Variants in CENPS observed in about 807,000 individuals in gnomAD.
CENPS encodes the protein centromere protein S, also known as FANCM associated histone fold protein 1.
A neutral mutation model predicts 17.9 loss-of-function variants in CENPS; 16 were observed. That is an observed-to-expected ratio of 0.90 (90% confidence interval 0.61 to 1.36). The LOEUF (loss-of-function observed/expected upper bound fraction) is 1.36. Among genes scored for constraint, CENPS ranks in the 40% most tolerant of loss-of-function variants. CENPS has a pLI of 0.00. For synonymous variants in CENPS, 49 were observed against 55.8 expected, an observed-to-expected ratio of 0.88 and a Z score of 0.54; for missense variants, 160 against 158.6, an observed-to-expected ratio of 1.01 and a Z score of -0.05.
chr1:10,437,841 C>T lies in CENPS; in HGVS notation c.210-2506C>T, dbSNP rs138825225. ...GCAGCAGCTCAATCTCGGCTCACTG[C>T]AGCTTCTGCCTTGCGGATTCAAGTG... is the stretch of plus-strand genomic sequence containing the variant. On this transcript the variant is annotated intron_variant, in intron 3 of 4. Transcript: ENST00000309048. Among the ~76,000 whole-genome samples the T allele has an allele frequency of 4.2e-3, 627 of 150,496 alleles. 8 individuals are homozygous for T. Among genetic ancestry groups the T allele is most frequent in the African/African-American group, 0.015 (595 of 40,784 alleles).
chr1:10,432,657 G>A (rs759105146), intron 1 of CENPS, among the ~76,000 whole-genome samples: 2 of 152,006 alleles, frequency 1.3e-5, no homozygotes, highest in African/African-American at 4.8e-5. Context: ...GGAGGAGGAA[G>A]ATCTGAGAAA....
intron 4 of CENPS, 88 bp downstream of exon 4, chr1:10,440,501 C>CA: frequency 6.5e-7 from 1 of 1,535,914 alleles, no homozygotes; most frequent in Non-Finnish European, 8.8e-7. Flanking sequence ...AGTTATTCCC[C>CA]AGGGCACCTT....
chr1:10,430,973 T>C, intron 1 of CENPS: 3 of 1,264,868 alleles, frequency 2.4e-6, no homozygotes, highest in Non-Finnish European at 3.0e-6. Flanking sequence ...ACGCTGGCCC[T>C]GGAGGCGTCG....
At chr1:10,432,628 CAG>C (rs954704974) in intron 1 of CENPS, among the ~76,000 whole-genome samples, 11 of 151,792 alleles carry the variant, frequency 7.2e-5, no homozygotes, top group Non-Finnish European at 1.2e-4. Flanking sequence ...CCAGCCCAGC[CAG>C]GGGGAGGGGA....
rs1639853261 is a variant in CENPS, at chr1:10,430,558, C to G, written c.41C>G (p.Ser14Cys). 8 of 1,534,384 alleles carry G rather than the reference C, an allele frequency of 5.2e-6. No individual in the cohort carries two copies. The East Asian group carries it at 1.8e-4, about 35-fold the overall frequency. The change falls in exon 1 of 5, where the codon TCT (serine) becomes TGT (cysteine). Residue 14 changes from serine to cysteine, a missense_variant. Transcript: ENST00000309048. Reference protein sequence around the residue: ...EAETEEQQRFSYQQRLKAAVH... With the variant: ...EAETEEQQRFCYQQRLKAAVH... ...GAGACCGAGGAGCAGCAGCGATTCT[C>G]TTACCAACAGGTACAGGAAAACGGG...
intron 1 of CENPS, chr1:10,430,825 C>T (rs1283493065): frequency 3.7e-6 from 5 of 1,339,188 alleles, no homozygotes; most frequent in South Asian, 1.9e-5. Context: ...GGTCCGGCGG[C>T]GAGAGGCCAC....
rs755865599 is a variant in CENPS at position 10,433,978 on chromosome 1, G to A, written c.175+13G>A. The A allele has an allele frequency of 4.3e-6, 7 of 1,613,808 alleles. No homozygotes were observed. Among genetic ancestry groups the A allele is most frequent in the East Asian group, 4.5e-5 (2 of 44,896 alleles). On this transcript the variant is annotated intron_variant, in intron 2 of 4. Transcript: ENST00000309048. ...TTCCGACAGTGTGGTATGAAGCTTC[G>A]GCCTCCCCAGCCATGTCTGTAAACC...
intron 3 of CENPS, among the ~76,000 whole-genome samples, chr1:10,434,956 C>T (rs577535752): frequency 3.9e-5 from 6 of 152,234 alleles, no homozygotes; most frequent in African/African-American, 1.4e-4. Context: ...GTGTGAATAC[C>T]ATCTCCAGGA....
intron 3 of CENPS, among the ~76,000 whole-genome samples, chr1:10,437,518 G>A (rs902495068): frequency 2.8e-5 from 4 of 140,694 alleles, no homozygotes; most frequent in Admixed American, 7.5e-5. Context: ...TTGCCATGGC[G>A]CGATCTCAAC....
At chr1:10,434,128 T>G (rs1640046183) in intron 2 of CENPS, among the ~76,000 whole-genome samples, 163 bp downstream of exon 2, 1 of 152,228 alleles carries the variant, frequency 6.6e-6, no homozygotes, top group African/African-American at 2.4e-5. Context: ...GGCTGTGAGA[T>G]GTGGATATTT....
Position 10,434,651 on chromosome 1 carries a change from T to C in CENPS, c.176-6T>C. 1 of 1,604,278 alleles carries C rather than the reference T, an allele frequency of 6.2e-7. No homozygotes were observed. The highest frequency in any genetic ancestry group is 2.2e-5 in the East Asian group (1 of 44,620). ...CTAAAGTGTGTATCTTTTTTTTCTC[T>C]TTCAGAAAATTTTGCCAAAGACCTT... On this transcript the variant is annotated splice_polypyrimidine_tract_variant and splice_region_variant and intron_variant, in intron 2 of 4. Transcript: ENST00000309048.
In CENPS at chr1:10,430,507, G is replaced by C. The variant is rs1639850784; in HGVS notation, c.-11G>C. On this transcript the variant is annotated 5_prime_UTR_variant, in exon 1 of 5. Coordinates refer to ENST00000309048, the MANE Select transcript of CENPS (RefSeq NM_199294.3). ...GGCCCTCCTGCGTTTGCCCAGGGTC[G>C]GCCCGCAGTGATGGAGGAGGAGGCG... is the stretch of plus-strand genomic sequence containing the variant. The C allele has an allele frequency of 2.0e-6, 3 of 1,537,846 alleles. No homozygotes were observed. Among genetic ancestry groups the C allele is most frequent in the Non-Finnish European group, 2.6e-6 (3 of 1,142,516 alleles).
In CENPS at chr1:10,430,444, G is replaced by A; in HGVS notation, c.-74G>A. On this transcript the variant is annotated 5_prime_UTR_variant, in exon 1 of 5. Coordinates refer to ENST00000309048, the MANE Select transcript of CENPS (RefSeq NM_199294.3). ...GCGGCCCGTCGCTCGCGCCGCGGCGGGAAAATCCGACCTGGCCGCGCACCA... is the reference window on the plus strand; with the variant it reads ...GCGGCCCGTCGCTCGCGCCGCGGCGAGAAAATCCGACCTGGCCGCGCACCA... 3 of 1,518,984 alleles carry A rather than the reference G, an allele frequency of 2.0e-6. No homozygotes were observed. The highest frequency in any genetic ancestry group is 1.2e-5 in the South Asian group (1 of 81,304). 94.1% of individuals were successfully genotyped at this position (1,518,984 alleles called of 1,614,324 possible).
intron 1 of CENPS, among the ~76,000 whole-genome samples, chr1:10,432,499 G>A (rs890399658): frequency 2.0e-5 from 3 of 152,134 alleles, no homozygotes; most frequent in African/African-American, 7.2e-5. Context: ...GCTTGTAGAC[G>A]ATTTCCCCCC....
chr1:10,431,026 G>T (rs1169370148), intron 1 of CENPS: 3 of 1,334,142 alleles, frequency 2.2e-6, no homozygotes, highest in East Asian at 3.3e-5. Context: ...GACCAGTCAG[G>T]CCCAGAGCTC....
chr1:10,431,442 A>G, intron 1 of CENPS: 1 of 1,532,810 alleles, frequency 6.5e-7, no homozygotes, highest in East Asian at 2.4e-5. Context: ...ATTCACCACT[A>G]GTTAGCATTT....
chr1:10,430,782 G>A (rs1639872098), intron 1 of CENPS: 2 of 1,379,794 alleles, frequency 1.4e-6, no homozygotes, highest in Admixed American at 3.6e-5. Flanking sequence ...TGGCTGGGGA[G>A]GAAGCGGTTC....
intron 3 of CENPS, among the ~76,000 whole-genome samples, chr1:10,436,065 C>T (rs1291654110): frequency 2.0e-5 from 3 of 151,408 alleles, no homozygotes; most frequent in Non-Finnish European, 4.4e-5. Context: ...GCAATCTCTG[C>T]CTCCTGGGTT....
In CENPS at chr1:10,442,614, C is replaced by G; in HGVS notation, c.*209C>G. The G allele has an allele frequency of 1.3e-6, 1 of 761,108 alleles. No individual in the cohort carries two copies. Among genetic ancestry groups the G allele is most frequent in the Non-Finnish European group, 1.8e-6 (1 of 557,222 alleles). 47.1% of individuals were successfully genotyped at this position (761,108 alleles called of 1,614,324 possible). ...ATGAGAAAGTCTTAAGCAAAATACT[C>G]CCAGGTCTCACTCCAGAACATAAAA... On this transcript the variant is annotated 3_prime_UTR_variant, in exon 5 of 5. Transcript: ENST00000309048.
Sources: allele counts gnomAD v4.1 joint callset (sites outside exome capture counted in the v4.1 genomes callset), GRCh38; gene constraint gnomAD v4.1.1; transcripts MANE v1.5; gene names NCBI Gene and HGNC (gene_info 2026-07-23, HGNC 2026-07-21).